The following FOXN3 variants were observed in gnomAD, a reference collection of about 807,000 sequenced individuals.
FOXN3 encodes forkhead box protein N3.
Under a neutral mutation model 38.4 loss-of-function variants are expected in FOXN3, and 7 were observed. The observed-to-expected ratio is 0.18, with a 90% CI of 0.10 to 0.34. The LOEUF (loss-of-function observed/expected upper bound fraction) is 0.34, where lower values mean the gene tolerates loss of function less well. FOXN3 is among the 10% of genes least tolerant of loss of function. The probability of loss-of-function intolerance (pLI) is 1.00; values close to 1 mark genes in which losing one functional copy is unlikely to be tolerated. For missense variants in FOXN3, 456 were observed against 613.4 expected, an observed-to-expected ratio of 0.74 and a Z score of 2.71; for synonymous variants, 230 against 242.2, an observed-to-expected ratio of 0.95 and a Z score of 0.47.
At chr14:89,324,870 T>G in intron 3 of FOXN3, among the ~76,000 whole-genome samples, 1 of 152,066 alleles carries the variant, frequency 6.6e-6, no homozygotes, top group East Asian at 1.9e-4. Context: ...AAAAAGCAGG[T>G]TCAGATCCAG....
intron 3 of FOXN3, among the ~76,000 whole-genome samples, chr14:89,329,561 C>T (rs1000347684): frequency 1.3e-5 from 2 of 152,086 alleles, no homozygotes; most frequent in African/African-American, 2.4e-5. Context: ...TCACAATAAA[C>T]AATTCTCTGG....
chr14:89,444,007 CAAAA>C (rs569571116), intron 1 of FOXN3, among the ~76,000 whole-genome samples: 26 of 67,638 alleles, frequency 3.8e-4, no homozygotes, highest in South Asian at 2.2e-3. Flanking sequence ...GAAACTCTGT[CAAAA>C]AAAAAAAAAA....
intron 1 of FOXN3, among the ~76,000 whole-genome samples, chr14:89,506,008 C>T (rs1382411839): frequency 6.7e-6 from 1 of 149,930 alleles, no homozygotes; most frequent in African/African-American, 2.5e-5. Flanking sequence ...GCAGCCACCC[C>T]GTCCGGGAGG....
At chr14:89,487,020 A>G (rs1043248322) in intron 1 of FOXN3, among the ~76,000 whole-genome samples, 6 of 152,206 alleles carry the variant, frequency 3.9e-5, no homozygotes, top group African/African-American at 1.4e-4. Flanking sequence ...ATAAAGGAAA[A>G]ACATCAGAGC....
intron 4 of FOXN3, chr14:89,190,343 C>A: frequency 6.6e-7 from 1 of 1,504,260 alleles, no homozygotes; most frequent in South Asian, 1.2e-5. Flanking sequence ...AGGTTAAGTT[C>A]ACAAACTATG....
chr14:89,178,612 C>G (rs112803796), intron 5 of FOXN3, among the ~76,000 whole-genome samples: 2 of 152,184 alleles, frequency 1.3e-5, no homozygotes, highest in African/African-American at 2.4e-5. Context: ...TGGCAACTTT[C>G]AACAGAAACA....
chr14:89,215,561 C>T (rs779791988), intron 4 of FOXN3, among the ~76,000 whole-genome samples: 3 of 152,112 alleles, frequency 2.0e-5, no homozygotes, highest in East Asian at 1.9e-4. Context: ...GAATTCTACC[C>T]GTTTAAAGAA....
At chr14:89,313,746 G>A (rs1887641628) in intron 3 of FOXN3, among the ~76,000 whole-genome samples, 1 of 152,098 alleles carries the variant, frequency 6.6e-6, no homozygotes, top group South Asian at 2.1e-4. Flanking sequence ...CCTCGATGGC[G>A]AATGGATAAA....
At chr14:89,310,177 T>G (rs1286139358) in intron 3 of FOXN3, among the ~76,000 whole-genome samples, 1 of 152,108 alleles carries the variant, frequency 6.6e-6, no homozygotes, top group Non-Finnish European at 1.5e-5. Flanking sequence ...ATGAATAGCT[T>G]AGGGAGGGGG....
chr14:89,405,488 A>G (rs751018155), intron 2 of FOXN3, among the ~76,000 whole-genome samples: 92 of 152,272 alleles, frequency 6.0e-4, no homozygotes, highest in South Asian at 1.5e-3. Context: ...TACCGAGAGC[A>G]AACGTGAAGA....
intron 3 of FOXN3, among the ~76,000 whole-genome samples, chr14:89,293,555 T>G (rs1014659659): frequency 3.3e-5 from 5 of 152,172 alleles, no homozygotes; most frequent in African/African-American, 1.2e-4. Flanking sequence ...TTCCCCCATG[T>G]GTACAGCTGG....
chr14:89,360,768 A>T (rs1470616172), intron 2 of FOXN3, among the ~76,000 whole-genome samples: 1 of 51,696 alleles, frequency 1.9e-5, no homozygotes, highest in South Asian at 7.3e-4. Flanking sequence ...CTCCACCACT[A>T]CCACCTCCAC....
At chr14:89,547,380 A>G (rs1453920973) in intron 1 of FOXN3, among the ~76,000 whole-genome samples, 1 of 152,086 alleles carries the variant, frequency 6.6e-6, no homozygotes, top group Non-Finnish European at 1.5e-5. Flanking sequence ...TCAGTCTCCC[A>G]AGTAGCTGGG....
Position 89,158,636 on chromosome 14 carries a change from C to G in FOXN3, c.*3778G>C, listed in dbSNP as rs1417165953. 6.6e-6 allele frequency: 1 copy of G among 152,472 alleles called. No individual in the cohort carries two copies. The highest frequency in any genetic ancestry group is 1.5e-5 in the Non-Finnish European group (1 of 68,032). The allele number at this position is 152,472 out of a possible 1,614,324, so 9.4% of individuals were successfully genotyped here. A position where few individuals can be genotyped will look rare whatever the true frequency, so the allele number is the denominator to read the frequency against. ...GGTATATTATAAGGCTGGGAAAAAT[C>G]TATGATGCAAACCCTTTCCACATAG... On this transcript the variant is annotated 3_prime_UTR_variant, in exon 6 of 6. Coordinates refer to ENST00000557258, the MANE Select transcript of FOXN3 (RefSeq NM_005197.4).
At chr14:89,570,776 G>A (rs1007726155) in intron 1 of FOXN3, among the ~76,000 whole-genome samples, 2 of 151,986 alleles carry the variant, frequency 1.3e-5, no homozygotes, top group African/African-American at 4.8e-5. Flanking sequence ...GTGGCTCAGG[G>A]AAGCCAAAAG....
At chr14:89,177,009 C>CTTT (rs34575638) in intron 5 of FOXN3, among the ~76,000 whole-genome samples, 3 of 114,218 alleles carry the variant, frequency 2.6e-5, no homozygotes, top group Non-Finnish European at 5.4e-5. Flanking sequence ...CTCTTTCTTT[C>CTTT]TTTTTTTTTT....
At chr14:89,186,731 C>A (rs781359169) in intron 4 of FOXN3, among the ~76,000 whole-genome samples, 2 of 152,216 alleles carry the variant, frequency 1.3e-5, no homozygotes, top group Non-Finnish European at 1.5e-5. Context: ...GCTAATGTCA[C>A]ATGCACAGCG....
At chr14:89,464,917 C>A (rs1243245758) in intron 1 of FOXN3, among the ~76,000 whole-genome samples, 1 of 152,218 alleles carries the variant, frequency 6.6e-6, no homozygotes, top group East Asian at 1.9e-4. Flanking sequence ...AAGCTGGTCT[C>A]GAACACCTGA....
chr14:89,436,650 G>A lies in FOXN3; in HGVS notation c.-14-24160C>T, dbSNP rs114547520. Among the ~76,000 whole-genome samples, 1,145 of 152,236 alleles carry A rather than the reference G, an allele frequency of 7.5e-3. 19 individuals carry two copies. Among genetic ancestry groups the A allele is most frequent in the African/African-American group, 0.026 (1,089 of 41,536 alleles). ...TTTAGACAGCCTGAGCTGGCTTTTCGGTCACTTACAATCAAAACATCCAAC... is the reference window on the plus strand; with the variant it reads ...TTTAGACAGCCTGAGCTGGCTTTTCAGTCACTTACAATCAAAACATCCAAC... On this transcript the variant is annotated intron_variant, in intron 1 of 6. Transcript: ENST00000345097.
Sources: gnomAD v4.1 joint callset for allele counts (sites outside exome capture counted in the v4.1 genomes callset) on GRCh38, gnomAD v4.1.1 for gene constraint, MANE v1.5 for transcripts, NCBI Gene and HGNC (gene_info 2026-07-23, HGNC 2026-07-21) for gene names.